LEKR1: variants seen among roughly 807,000 people sequenced by gnomAD.
LEKR1 encodes the protein protein LEKR1.
LEKR1 carries 59 observed loss-of-function variants against 72.4 expected under a neutral mutation model. That is an observed-to-expected ratio of 0.82 (90% CI 0.66 to 1.01). The LOEUF is 1.01. Ranked by LOEUF, LEKR1 falls within the 50% of genes least tolerant of loss-of-function variation. The probability of loss-of-function intolerance (pLI) is 0.00; values close to 1 mark genes in which losing one functional copy is unlikely to be tolerated. For missense variants in LEKR1, 728 were observed against 759.2 expected, an observed-to-expected ratio of 0.96 and a Z score of 0.48; for synonymous variants, 257 against 263.2, an observed-to-expected ratio of 0.98 and a Z score of 0.23.
rs1160702255 is a variant in LEKR1 at position 156,979,261 on chromosome 3, T to C, written c.813T>C (p.Tyr271=). 1.2e-5 allele frequency: 16 copies of C among 1,281,160 alleles called. No homozygotes were observed. The highest frequency in any genetic ancestry group is 1.6e-5 in the Non-Finnish European group (16 of 980,230). The allele number at this position is 1,281,160 out of a possible 1,614,324, so 79.4% of individuals were successfully genotyped here. The change falls in exon 7 of 13, where the codon TAT becomes TAC. Residue 271 remains tyrosine, a synonymous_variant. Transcript: ENST00000356539. ...LQKAVTEMDN[Y]KEMLMNKSNE... is the part of the protein sequence containing the mutation. ...AGGCGGTGACAGAGATGGACAACTATAAAGAAATGCTTATGTAAGATGGAG... is the reference window on the plus strand; with the variant it reads ...AGGCGGTGACAGAGATGGACAACTACAAAGAAATGCTTATGTAAGATGGAG...
intron 3 of LEKR1, among the ~76,000 whole-genome samples, chr3:156,910,411 A>G (rs537490444): frequency 1.6e-4 from 25 of 152,158 alleles, no homozygotes; most frequent in Non-Finnish European, 3.7e-4. Flanking sequence ...TTTGCTTAGG[A>G]TAATGGTTTC....
At chr3:156,899,167 G>A (rs1721510688) in intron 3 of LEKR1, among the ~76,000 whole-genome samples, 1 of 151,288 alleles carries the variant, frequency 6.6e-6, no homozygotes, top group African/African-American at 2.4e-5. Context: ...GTTTTCATAT[G>A]TTGGTAATTA....
rs1735178461 is a variant in LEKR1, at chr3:157,039,193, CA to C, written c.1669-6146del. Reference sequence around the variant, plus strand: ...CCTTAGAAGTGTAGGAAGAGATAGACAGGGGTTTTACTTCTTACATACTTTT... The same window carrying C: ...CCTTAGAAGTGTAGGAAGAGATAGACGGGGTTTTACTTCTTACATACTTTT... On this transcript the variant is annotated intron_variant, in intron 12 of 12. Transcript: ENST00000356539. Among the ~76,000 whole-genome samples, 4 of 152,310 alleles carry C rather than the reference CA, an allele frequency of 2.6e-5. No homozygotes were observed. In the South Asian group the frequency reaches 6.2e-4, roughly 24 times the overall value.
chr3:156,942,040 G>A (rs142644738), intron 5 of LEKR1, among the ~76,000 whole-genome samples: 3 of 151,944 alleles, frequency 2.0e-5, no homozygotes, highest in Admixed American at 2.0e-4. Context: ...AAATTTATTA[G>A]TTTTAGACAC....
chr3:156,994,726 A>ACACATCAT (rs1446435336), intron 9 of LEKR1, among the ~76,000 whole-genome samples: 15 of 152,246 alleles, frequency 9.9e-5, no homozygotes, highest in African/African-American at 3.4e-4. Context: ...TACAAAAGAC[A>ACACATCAT]CACATCATAC....
At position 157,007,211 on chromosome 3, in the gene LEKR1, A is replaced by G. The variant is rs191935127; in HGVS notation, c.1110-4202A>G. Reference sequence around the variant, plus strand: ...GCGAGACTCTGTCTCAAAAATAATAATAATAAATAAATAAATAAACAAACA... The same window carrying G: ...GCGAGACTCTGTCTCAAAAATAATAGTAATAAATAAATAAATAAACAAACA... On this transcript the variant is annotated intron_variant, in intron 9 of 12. Coordinates refer to ENST00000356539, the MANE Select transcript of LEKR1 (RefSeq NM_001004316.3). Among the ~76,000 whole-genome samples the G allele has an allele frequency of 1.5e-3, 223 of 149,888 alleles. 4 individuals carry two copies. In the East Asian group the frequency reaches 0.036, roughly 24 times the overall value.
chr3:156,934,845 G>A (rs6798879), intron 5 of LEKR1, among the ~76,000 whole-genome samples: 5,905 of 152,026 alleles, frequency 0.039, 416 homozygotes, highest in African/African-American at 0.14. Context: ...AATATATCAT[G>A]AAAATATAGT....
chr3:156,969,677 G>T (rs958849590), intron 6 of LEKR1, among the ~76,000 whole-genome samples: 2 of 152,084 alleles, frequency 1.3e-5, no homozygotes, highest in East Asian at 3.9e-4. Flanking sequence ...ATTCACAGCC[G>T]AATTCTACCA....
intron 6 of LEKR1, among the ~76,000 whole-genome samples, chr3:156,965,921 A>T (rs1173627716): frequency 6.6e-6 from 1 of 152,214 alleles, no homozygotes; most frequent in African/African-American, 2.4e-5. Flanking sequence ...ATTTTAAATG[A>T]GATATTACTT....
intron 9 of LEKR1, among the ~76,000 whole-genome samples, chr3:157,000,022 G>A (rs1478297978): frequency 6.6e-6 from 1 of 152,112 alleles, no homozygotes; most frequent in African/African-American, 2.4e-5. Context: ...TCCTTTCTCA[G>A]TGTGACATCT....
At chr3:156,948,639 T>C (rs1267632982) in intron 6 of LEKR1, among the ~76,000 whole-genome samples, 1 of 151,510 alleles carries the variant, frequency 6.6e-6, no homozygotes, top group Non-Finnish European at 1.5e-5. Flanking sequence ...TTTGCATGCA[T>C]GTGTCTTTGT....
chr3:157,045,950 A>G lies in LEKR1; in HGVS notation c.*200A>G, dbSNP rs946939812. 1.8e-6 allele frequency: 1 copy of G among 550,362 alleles called. No individual in the cohort carries two copies. 34.1% of individuals were successfully genotyped at this position (550,362 alleles called of 1,614,324 possible). A position where few individuals can be genotyped will look rare whatever the true frequency, so the allele number is the denominator to read the frequency against. On this transcript the variant is annotated 3_prime_UTR_variant, in exon 13 of 13. Transcript: ENST00000356539. Reference sequence around the variant, plus strand: ...TTTTCAAGAGGGTTTTGATAGAGTAACAGATCATTAAGTTGTTGGTATTCC... The same window carrying G: ...TTTTCAAGAGGGTTTTGATAGAGTAGCAGATCATTAAGTTGTTGGTATTCC...
intron 3 of LEKR1, among the ~76,000 whole-genome samples, chr3:156,874,133 C>T: frequency 6.6e-6 from 1 of 152,106 alleles, no homozygotes; most frequent in East Asian, 1.9e-4. Flanking sequence ...ACTTGATCTA[C>T]TCTATTATTT....
chr3:156,885,742 T>G (rs115659362), intron 3 of LEKR1, among the ~76,000 whole-genome samples: 110 of 152,362 alleles, frequency 7.2e-4, no homozygotes, highest in Middle Eastern at 3.4e-3. Flanking sequence ...TCTTAAATGC[T>G]GGTTATGCTA....
chr3:157,030,030 A>C (rs1245729439), intron 12 of LEKR1, among the ~76,000 whole-genome samples: 1 of 152,308 alleles, frequency 6.6e-6, no homozygotes, highest in East Asian at 1.9e-4. Context: ...AAAGAGGTTT[A>C]GTTGGCTCAT....
intron 3 of LEKR1, chr3:156,853,371 T>C (rs1715634546): frequency 6.5e-6 from 1 of 153,232 alleles, no homozygotes; most frequent in Non-Finnish European, 1.5e-5. Flanking sequence ...AAGGCTTTCA[T>C]GTTTTGAAAA....
chr3:156,831,523 C>A (rs1439366460), intron 2 of LEKR1, among the ~76,000 whole-genome samples: 1 of 152,142 alleles, frequency 6.6e-6, no homozygotes, highest in African/African-American at 2.4e-5. Context: ...TAAAGACATA[C>A]CTGAGACTGG....
At chr3:156,932,810 C>T (rs1201471186) in intron 5 of LEKR1, among the ~76,000 whole-genome samples, 2 of 151,798 alleles carry the variant, frequency 1.3e-5, no homozygotes, top group Non-Finnish European at 2.9e-5. Context: ...GCAGGCGGAT[C>T]CCGAGGTCAG....
intron 3 of LEKR1, among the ~76,000 whole-genome samples, chr3:156,909,646 A>G (rs1437803553): frequency 3.8e-5 from 4 of 105,986 alleles, no homozygotes; most frequent in African/African-American, 1.6e-4. Context: ...ACAGAGTGAG[A>G]GTCTGTCTCA....
Sources: gnomAD v4.1 joint callset for allele counts (sites outside exome capture counted in the v4.1 genomes callset) on GRCh38, gnomAD v4.1.1 for gene constraint, MANE v1.5 for transcripts, NCBI Gene and HGNC (gene_info 2026-07-23, HGNC 2026-07-21) for gene names.